The following TRAPPC9 variants were observed in gnomAD, a reference collection of about 807,000 sequenced individuals.
TRAPPC9 encodes the protein trafficking protein particle complex subunit 9.
TRAPPC9 carries 83 observed loss-of-function variants against 124.0 expected under a neutral mutation model. The observed-to-expected ratio is 0.67, with a 90% confidence interval of 0.56 to 0.80. The LOEUF is 0.80. Among genes scored for constraint, TRAPPC9 ranks in the 30% least tolerant of loss-of-function variants. TRAPPC9 has a pLI of 0.00. For synonymous variants in TRAPPC9, 638 were observed against 617.5 expected (o/e 1.03, Z -0.49); for missense variants, 1,302 against 1,508.3 (o/e 0.86, Z 2.27).
intron 19 of TRAPPC9, among the ~76,000 whole-genome samples, chr8:139,939,450 G>A (rs1833765793): frequency 1.3e-5 from 2 of 152,194 alleles, no homozygotes; most frequent in African/African-American, 2.4e-5. Flanking sequence ...CACGCCGCAT[G>A]GGGCTAAAAG....
chr8:140,457,472 A>C (rs1276522645), intron 1 of TRAPPC9, among the ~76,000 whole-genome samples, 167 bp downstream of exon 1: 1 of 152,116 alleles, frequency 6.6e-6, no homozygotes, highest in Non-Finnish European at 1.5e-5. Context: ...GTGCACGCTG[A>C]ACCCCGGCCC....
At chr8:139,948,565 T>C (rs189484515) in intron 19 of TRAPPC9, among the ~76,000 whole-genome samples, 57 of 152,278 alleles carry the variant, frequency 3.7e-4, no homozygotes, top group Non-Finnish European at 6.9e-4. Context: ...CTAAGTTTTG[T>C]TCATTACGGC....
intron 9 of TRAPPC9, among the ~76,000 whole-genome samples, chr8:140,331,393 C>T (rs990882117): frequency 6.6e-6 from 1 of 152,106 alleles, no homozygotes; most frequent in African/African-American, 2.4e-5. Flanking sequence ...AGGGAAAACA[C>T]TTCAGGTCAT....
At chr8:139,842,934 G>A (rs968392095) in intron 21 of TRAPPC9, among the ~76,000 whole-genome samples, 25 of 152,334 alleles carry the variant, frequency 1.6e-4, no homozygotes, top group Admixed American at 9.8e-4. Flanking sequence ...GCTGAGGTCC[G>A]GGCAGGTGAA....
chr8:140,144,405 T>C, intron 17 of TRAPPC9, among the ~76,000 whole-genome samples: 1 of 152,264 alleles, frequency 6.6e-6, no homozygotes, highest in East Asian at 1.9e-4. Context: ...GTACACGTCA[T>C]GAGGTTCTTT....
At chr8:139,763,677 T>TGC (rs1820390494) in intron 21 of TRAPPC9, among the ~76,000 whole-genome samples, 1 of 152,154 alleles carries the variant, frequency 6.6e-6, no homozygotes, top group Non-Finnish European at 1.5e-5. Flanking sequence ...CACGCACGCG[T>TGC]GCACACACAC....
At chr8:139,904,963 AT>A (rs1831254274) in intron 20 of TRAPPC9, 1 of 152,230 alleles carries the variant, frequency 6.6e-6, no homozygotes, top group Non-Finnish European at 1.5e-5. Flanking sequence ...AAAGGCTATT[AT>A]CTGCTATTAA....
intron 12 of TRAPPC9, among the ~76,000 whole-genome samples, chr8:140,288,060 G>A (rs752222912): frequency 2.0e-5 from 3 of 152,196 alleles, no homozygotes; most frequent in Non-Finnish European, 2.9e-5. Flanking sequence ...TAAAAACATG[G>A]CTGGGCATGG....
chr8:140,138,775 A>C (rs1382852283), intron 17 of TRAPPC9, among the ~76,000 whole-genome samples: 6 of 152,142 alleles, frequency 3.9e-5, no homozygotes, highest in Non-Finnish European at 7.4e-5. Flanking sequence ...TGGTAAGCAA[A>C]CAAACAGGTT....
intron 21 of TRAPPC9, among the ~76,000 whole-genome samples, chr8:139,837,327 G>A (rs1251552636): frequency 6.6e-6 from 1 of 152,152 alleles, no homozygotes; most frequent in East Asian, 1.9e-4. Context: ...CAGCTGCCAC[G>A]GGGCAGGGTC....
intron 19 of TRAPPC9, among the ~76,000 whole-genome samples, chr8:139,985,661 T>C (rs111858481): frequency 3.9e-5 from 6 of 152,116 alleles, no homozygotes; most frequent in African/African-American, 9.7e-5. Context: ...CCCCAAGCCA[T>C]TGAATCTCTA....
chr8:139,885,288 A>T (rs1829930711), intron 21 of TRAPPC9, among the ~76,000 whole-genome samples: 1 of 152,234 alleles, frequency 6.6e-6, no homozygotes, highest in East Asian at 1.9e-4. Context: ...AGGTGCAACA[A>T]GAAGAAGCAG....
chr8:139,971,782 C>CAT (rs1491301800), intron 19 of TRAPPC9, among the ~76,000 whole-genome samples: 4 of 39,200 alleles, frequency 1.0e-4, no homozygotes, highest in African/African-American at 6.1e-4. Flanking sequence ...TATACACACA[C>CAT]ATATATACAC....
At chr8:140,312,742 T>A (rs533623155) in intron 9 of TRAPPC9, among the ~76,000 whole-genome samples, 9 of 75,118 alleles carry the variant, frequency 1.2e-4, no homozygotes, top group African/African-American at 3.9e-4. Context: ...GCCTACGCAT[T>A]CTTCTTCTTC....
chr8:140,430,040 G>C (rs2070579577), intron 4 of TRAPPC9, among the ~76,000 whole-genome samples: 1 of 151,574 alleles, frequency 6.6e-6, no homozygotes, highest in Admixed American at 6.6e-5. Context: ...CCAGCTACTT[G>C]GGAGGCTGAG....
chr8:140,397,743 A>G lies in TRAPPC9; in HGVS notation c.1011T>C (p.Tyr337=), dbSNP rs962428564. Residue 337 remains tyrosine, a splice_region_variant and synonymous_variant, in exon 7 of 23, where the codon TAT becomes TAC. Coordinates refer to ENST00000438773, the MANE Select transcript of TRAPPC9 (RefSeq NM_001160372.4). ...YKEAISYYSK[Y]KNAGVIELEA... is the part of the protein sequence containing the mutation. ...CCAACTCAATCACTCCCGCATTCTT[A>G]TACTGCAGGGTGTAAAGGAAATGCC... 2 of 1,614,120 alleles carry G rather than the reference A, an allele frequency of 1.2e-6. No individual in the cohort carries two copies. Among genetic ancestry groups the G allele is most frequent in the Non-Finnish European group, 8.5e-7 (1 of 1,180,010 alleles).
chr8:140,136,592 C>T (rs958729222), intron 17 of TRAPPC9, among the ~76,000 whole-genome samples: 8 of 152,178 alleles, frequency 5.3e-5, no homozygotes, highest in Admixed American at 1.3e-4. Flanking sequence ...AATCCCAGCA[C>T]TTTGGGAGGC....
chr8:140,417,575 G>C (rs980423609), intron 5 of TRAPPC9, among the ~76,000 whole-genome samples: 2 of 152,244 alleles, frequency 1.3e-5, no homozygotes, highest in African/African-American at 4.8e-5. Context: ...ATGCTGGAGA[G>C]GATGTGGAGA....
chr8:140,183,815 A>G (rs2131025388), intron 17 of TRAPPC9, among the ~76,000 whole-genome samples: 1 of 150,398 alleles, frequency 6.6e-6, no homozygotes, highest in South Asian at 2.1e-4. Context: ...AGATCAACTC[A>G]CTGCACACCA....
Sources: gnomAD v4.1 joint callset for allele counts (sites outside exome capture counted in the v4.1 genomes callset) on GRCh38, gnomAD v4.1.1 for gene constraint, MANE v1.5 for transcripts, NCBI Gene and HGNC (gene_info 2026-07-23, HGNC 2026-07-21) for gene names.